Variants in TEX15 observed in about 807,000 individuals in gnomAD.
TEX15 encodes the protein testis-expressed protein 15.
Under a neutral mutation model 237.3 loss-of-function variants are expected in TEX15, and 171 were observed. The ratio of observed to expected loss-of-function variants is 0.72; its 90% confidence interval spans 0.64 to 0.82. The LOEUF (loss-of-function observed/expected upper bound fraction) is 0.82, where lower values mean the gene tolerates loss of function less well. TEX15 is among the 40% of genes least tolerant of loss of function. The pLI is 0.00. For synonymous variants in TEX15, 1,338 were observed against 1,269.8 expected, an observed-to-expected ratio of 1.05 and a Z score of -1.14; for missense variants, 3,750 against 3,646.5, an observed-to-expected ratio of 1.03 and a Z score of -0.73.
In TEX15 at chr8:30,845,420, T is replaced by C. The variant is rs1807578192; in HGVS notation, c.4747A>G (p.Ser1583Gly). 2.5e-6 allele frequency: 4 copies of C among 1,612,060 alleles called. No homozygotes were observed. Among genetic ancestry groups the C allele is most frequent in the Non-Finnish European group, 3.4e-6 (4 of 1,178,728 alleles). ...QIDTAFLSST[S>G]KYEKLEKHSA... Reference sequence around the variant, plus strand: ...TGTTTTTCAAGCTTTTCATATTTACTAGTGCTAGATAAAAATGCTGTATCA... The same window carrying C: ...TGTTTTTCAAGCTTTTCATATTTACCAGTGCTAGATAAAAATGCTGTATCA... Residue 1583 changes from serine (S) to glycine (G), a missense_variant, in exon 8 of 11, where the codon AGT (serine) becomes GGT (glycine). Ser to Gly is a moderately conservative substitution (Grantham distance 56, BLOSUM62 0). Coordinates refer to ENST00000643185, the MANE Select transcript of TEX15 (RefSeq NM_001350162.2).
At position 30,858,742 on chromosome 8, in the gene TEX15, A is replaced by G. The variant is rs1200971474; in HGVS notation, c.776T>C (p.Leu259Pro). The G allele has an allele frequency of 2.0e-6, 3 of 1,535,924 alleles. No homozygotes were observed. Among genetic ancestry groups the G allele is most frequent in the Non-Finnish European group, 2.6e-6 (3 of 1,146,746 alleles). ...GCGTCCATTATCTACTTTTGAACCA[A>G]GAAATTTTACTGTTACTACAGCATA... ...LPYAVVTVKF[L>P]GSKVDNGRLM... Residue 259 changes from leucine to proline, a missense_variant, in exon 7 of 11, where the codon CTT (leucine) becomes CCT (proline). Physicochemically the swap from Leu to Pro is moderately conservative, Grantham distance 98 (BLOSUM62 -3). Coordinates refer to ENST00000643185, the MANE Select transcript of TEX15 (RefSeq NM_001350162.2).
At chr8:30,852,902 G>C (rs1000000204) in intron 7 of TEX15, among the ~76,000 whole-genome samples, 4 of 152,142 alleles carry the variant, frequency 2.6e-5, no homozygotes, top group African/African-American at 7.2e-5. Context: ...AATGTGCCTG[G>C]TGTGACTGAC....
At chr8:30,885,800 T>C (rs1273704048) in intron 3 of TEX15, among the ~76,000 whole-genome samples, 1 of 152,220 alleles carries the variant, frequency 6.6e-6, no homozygotes, top group Non-Finnish European at 1.5e-5. Flanking sequence ...CCATTTCTGA[T>C]AACGGGGTAT....
intron 3 of TEX15, among the ~76,000 whole-genome samples, chr8:30,877,744 T>C (rs76966645): frequency 2.0e-5 from 3 of 152,172 alleles, no homozygotes; most frequent in Admixed American, 1.3e-4. Context: ...AGTGGAAACA[T>C]GTAACTATAA....
chr8:30,843,671 A>G lies in TEX15; in HGVS notation c.6496T>C (p.Phe2166Leu), dbSNP rs760711431. 7.4e-6 allele frequency: 12 copies of G among 1,612,314 alleles called. No individual in the cohort carries two copies. The highest frequency in any genetic ancestry group is 1.7e-5 in the Admixed American group (1 of 59,810). The change falls in exon 8 of 11, where the codon TTC becomes CTC. Residue 2166 changes from phenylalanine (F) to leucine (L), a missense_variant. Coordinates refer to ENST00000643185, the MANE Select transcript of TEX15 (RefSeq NM_001350162.2). ...TKREKNSYYV[F>L]LKYKRQVNEC... is the part of the protein sequence containing the mutation. ...TTAACCTGTCGTTTGTACTTTAAGA[A>G]TACATAGTATGAATTCTTTTCCCTT...
chr8:30,870,244 G>T (rs1023334745), intron 4 of TEX15, among the ~76,000 whole-genome samples: 5 of 151,904 alleles, frequency 3.3e-5, no homozygotes, highest in Admixed American at 6.6e-5. Flanking sequence ...AAATAGAATT[G>T]GAATCTTGTA....
At position 30,847,639 on chromosome 8, in the gene TEX15, G is replaced by A; in HGVS notation, c.2528C>T (p.Ser843Leu). Residue 843 changes from serine to leucine, a missense_variant, in exon 8 of 11, where the codon TCA becomes TTA. By Grantham distance (145) the Ser-to-Leu change is moderately radical. Coordinates refer to ENST00000643185, the MANE Select transcript of TEX15 (RefSeq NM_001350162.2). ...RGQDHNLFCN[S>L]QLSNDIWLNV... The stretch of plus-strand genomic sequence containing the variant: ...CAGCCATATATCATTGCTTAACTGT[G>A]AATTACAGAACAGATTGTGATCCTG... 6.2e-7 allele frequency: 1 copy of A among 1,613,434 alleles called. No individual in the cohort carries two copies. Among genetic ancestry groups the A allele is most frequent in the Admixed American group, 1.7e-5 (1 of 59,984 alleles).
chr8:30,839,921 G>A lies in TEX15; in HGVS notation c.8207C>T (p.Thr2736Ile), dbSNP rs1654081286. Residue 2736 changes from threonine to isoleucine, a missense_variant, in exon 9 of 11, where the codon ACA becomes ATA. Thr to Ile is a moderately conservative substitution (Grantham distance 89). Coordinates refer to ENST00000643185, the MANE Select transcript of TEX15 (RefSeq NM_001350162.2). ...GAACTCCTACCTTGGATGCTTGAATGTTGCCTTTTCTCTGTTGATTTTTGT... is the reference window on the plus strand; with the variant it reads ...GAACTCCTACCTTGGATGCTTGAATATTGCCTTTTCTCTGTTGATTTTTGT... ...DVTKINREKA[T>I]FKHPRTTGSH... 1 of 1,601,084 alleles carries A rather than the reference G, an allele frequency of 6.2e-7. No individual in the cohort carries two copies. The highest frequency in any genetic ancestry group is 8.5e-7 in the Non-Finnish European group (1 of 1,174,058).
intron 3 of TEX15, among the ~76,000 whole-genome samples, chr8:30,883,476 T>C (rs1281079203): frequency 1.3e-5 from 2 of 152,178 alleles, no homozygotes; most frequent in African/African-American, 4.8e-5. Flanking sequence ...CTGCACCTAT[T>C]GACCTATGTC....
intron 2 of TEX15, among the ~76,000 whole-genome samples, chr8:30,897,695 C>A (rs1808932187): frequency 6.6e-6 from 1 of 152,230 alleles, no homozygotes; most frequent in Non-Finnish European, 1.5e-5. Context: ...AGATCTCACT[C>A]TGACACCCAG....
intron 7 of TEX15, among the ~76,000 whole-genome samples, chr8:30,851,848 T>A (rs563446856): frequency 6.6e-6 from 1 of 151,408 alleles, no homozygotes; most frequent in Non-Finnish European, 1.5e-5. Flanking sequence ...GTGGGAGGAT[T>A]GCTTAAACCC....
chr8:30,912,629 T>C (rs1809255995), intron 1 of TEX15, among the ~76,000 whole-genome samples: 1 of 152,174 alleles, frequency 6.6e-6, no homozygotes, highest in African/African-American at 2.4e-5. Flanking sequence ...GCTAAACATT[T>C]CACCTGTAGA....
chr8:30,834,449 G>A (rs1040233117), intron 10 of TEX15, among the ~76,000 whole-genome samples: 1 of 151,750 alleles, frequency 6.6e-6, no homozygotes, highest in African/African-American at 2.4e-5. Flanking sequence ...TGGGATTACA[G>A]GCATGAGCTA....
chr8:30,843,554 A>C lies in TEX15; in HGVS notation c.6613T>G (p.Leu2205Val), dbSNP rs373823105. Residue 2205 changes from leucine (L) to valine (V), a missense_variant, in exon 8 of 11, where the codon TTA becomes GTA. Physicochemically the swap from Leu to Val is conservative, Grantham distance 32 (BLOSUM62 1). Coordinates refer to ENST00000643185, the MANE Select transcript of TEX15 (RefSeq NM_001350162.2). The stretch of plus-strand genomic sequence containing the variant: ...TTTCTTAAGATTTCCAGGTCTTCTA[A>C]ACTATCTCCAAAGTTAACTCCACAG... ...FTCGVNFGDSLEDLEILRKST... is the reference protein window; with the variant it reads ...FTCGVNFGDSVEDLEILRKST... 1 of 1,613,076 alleles carries C rather than the reference A, an allele frequency of 6.2e-7. No homozygotes were observed. The highest frequency in any genetic ancestry group is 1.3e-5 in the African/African-American group (1 of 74,886).
intron 3 of TEX15, among the ~76,000 whole-genome samples, chr8:30,879,926 CCTT>C (rs749332867): frequency 1.9e-5 from 2 of 106,786 alleles, no homozygotes; most frequent in Non-Finnish European, 3.2e-5. Flanking sequence ...ATTTAGATTT[CCTT>C]TTTTTTTTTA....
chr8:30,878,908 T>C (rs1808460680), intron 3 of TEX15, among the ~76,000 whole-genome samples: 1 of 152,234 alleles, frequency 6.6e-6, no homozygotes, highest in African/African-American at 2.4e-5. Flanking sequence ...AATACACAAG[T>C]GAGTTGTTGT....
Position 30,843,398 on chromosome 8 carries a change from C to A in TEX15, c.6769G>T (p.Ala2257Ser). 1.9e-6 allele frequency: 3 copies of A among 1,612,954 alleles called. No individual in the cohort carries two copies. Among genetic ancestry groups the A allele is most frequent in the Non-Finnish European group, 1.7e-6 (2 of 1,179,644 alleles). The stretch of plus-strand genomic sequence containing the variant: ...TAAAGAGATATTTTAACACGTACTG[C>A]CTCGTTGTTCTTAATAAAATTAACC... ...SKVNFIKNNE[A>S]VRVKISLYGL... Residue 2257 changes from alanine (A) to serine (S), a missense_variant, in exon 8 of 11, where the codon GCA becomes TCA. Ala to Ser is a moderately conservative substitution (Grantham distance 99, BLOSUM62 1). Coordinates refer to ENST00000643185, the MANE Select transcript of TEX15 (RefSeq NM_001350162.2).
intron 2 of TEX15, among the ~76,000 whole-genome samples, chr8:30,892,860 C>T (rs1260470520): frequency 1.3e-5 from 2 of 151,838 alleles, no homozygotes; most frequent in African/African-American, 4.8e-5. Context: ...GGTAAAACCC[C>T]GTCTCTACTA....
chr8:30,895,333 A>T (rs948028569), intron 2 of TEX15, among the ~76,000 whole-genome samples: 3 of 151,300 alleles, frequency 2.0e-5, no homozygotes, highest in South Asian at 4.2e-4. Flanking sequence ...GACTGTCAAC[A>T]AATGACTGCT....
Sources: gnomAD v4.1 joint callset for allele counts (sites outside exome capture counted in the v4.1 genomes callset) on GRCh38, gnomAD v4.1.1 for gene constraint, MANE v1.5 for transcripts, NCBI Gene and HGNC (gene_info 2026-07-23, HGNC 2026-07-21) for gene names.